Variants in RAD51B observed in about 807,000 individuals in gnomAD.
RAD51B encodes DNA repair protein RAD51 homolog 2.
A neutral mutation model predicts 42.2 loss-of-function variants in RAD51B; 38 were observed. The observed-to-expected ratio is 0.90, with a 90% CI of 0.70 to 1.18. The LOEUF (loss-of-function observed/expected upper bound fraction) is 1.18, where lower values mean the gene tolerates loss of function less well. Ranked by LOEUF, RAD51B falls within the 50% of genes most tolerant of loss-of-function variation. The probability of loss-of-function intolerance (pLI) is 0.00; values close to 1 mark genes in which losing one functional copy is unlikely to be tolerated. For synonymous variants in RAD51B, 154 were observed against 145.2 expected, an observed-to-expected ratio of 1.06 and a Z score of -0.43; for missense variants, 373 against 400.7, an observed-to-expected ratio of 0.93 and a Z score of 0.59.
At chr14:67,880,651 A>G (rs1024185198) in intron 5 of RAD51B, among the ~76,000 whole-genome samples, 3 of 152,072 alleles carry the variant, frequency 2.0e-5, no homozygotes, top group Non-Finnish European at 4.4e-5. Flanking sequence ...TCATATATAT[A>G]ATTTTTTAAA....
At chr14:67,989,994 C>CTTTTTTT (rs539586350) in intron 7 of RAD51B, among the ~76,000 whole-genome samples, 3 of 118,386 alleles carry the variant, frequency 2.5e-5, no homozygotes, top group South Asian at 2.8e-4. Context: ...CTTTTAACAT[C>CTTTTTTT]TTTTTTTTTT....
At chr14:68,655,051 C>T (rs2140141433) in intron 11 of RAD51B, among the ~76,000 whole-genome samples, 1 of 152,224 alleles carries the variant, frequency 6.6e-6, no homozygotes, top group South Asian at 2.1e-4. Flanking sequence ...TGGTCTCAGG[C>T]CTGCTATGTA....
intron 10 of RAD51B, among the ~76,000 whole-genome samples, chr14:68,506,277 G>T (rs1566918173): frequency 6.6e-6 from 1 of 152,218 alleles, no homozygotes; most frequent in African/African-American, 2.4e-5. Context: ...GTGCACATTA[G>T]CGAGTGAAGC....
intron 7 of RAD51B, among the ~76,000 whole-genome samples, chr14:68,214,838 G>A (rs1168077595): frequency 2.0e-5 from 3 of 152,192 alleles, no homozygotes; most frequent in African/African-American, 4.8e-5. Flanking sequence ...GCATTGTGCT[G>A]TAGTAAAAAA....
At chr14:68,664,729 A>G (rs1892998568) in intron 11 of RAD51B, among the ~76,000 whole-genome samples, 3 of 151,962 alleles carry the variant, frequency 2.0e-5, no homozygotes, top group South Asian at 4.2e-4. Context: ...TCCAACCCCA[A>G]TCCTTACTCC....
chr14:67,927,787 T>C (rs559941461), intron 7 of RAD51B, among the ~76,000 whole-genome samples: 1 of 142,128 alleles, frequency 7.0e-6, no homozygotes, highest in East Asian at 1.9e-4. Flanking sequence ...ACATATATAA[T>C]GTGTGTGTCT....
chr14:68,159,390 G>A (rs943428571), intron 7 of RAD51B, among the ~76,000 whole-genome samples: 3 of 152,118 alleles, frequency 2.0e-5, no homozygotes, highest in South Asian at 2.1e-4. Context: ...GGGAGGCTGC[G>A]GTGGGCGGAT....
intron 7 of RAD51B, among the ~76,000 whole-genome samples, chr14:68,090,879 G>A (rs2077083952): frequency 1.7e-5 from 2 of 117,532 alleles, no homozygotes; most frequent in African/African-American, 6.7e-5. Context: ...AGTCCCCAGA[G>A]TGTGATGTTC....
At chr14:68,670,202 C>T (rs1273764456) in intron 11 of RAD51B, among the ~76,000 whole-genome samples, 6 of 152,142 alleles carry the variant, frequency 3.9e-5, no homozygotes, top group African/African-American at 1.2e-4. Context: ...GGATTGGAAC[C>T]GTCCGTGGGC....
intron 9 of RAD51B, among the ~76,000 whole-genome samples, chr14:68,430,256 G>A (rs1388377043): frequency 6.6e-6 from 1 of 152,044 alleles, no homozygotes; most frequent in South Asian, 2.1e-4. Flanking sequence ...CATATGAACT[G>A]TAAAGTAGTT....
chr14:68,525,814 A>G (rs1886889690), intron 10 of RAD51B, among the ~76,000 whole-genome samples: 1 of 152,212 alleles, frequency 6.6e-6, no homozygotes, highest in Admixed American at 6.5e-5. Flanking sequence ...GCTCCGGCAT[A>G]TGGAATTAGC....
Position 68,157,410 on chromosome 14 carries a change from G to A in RAD51B, c.757-134474G>A, listed in dbSNP as rs148563735. ...TTAAGCATGTTATATGAAAGGGATG[G>A]CATTGTGAAAGATGGGGATACTATA... On this transcript the variant is annotated intron_variant, in intron 7 of 10. Transcript: ENST00000471583. 1.5e-3 allele frequency among the ~76,000 whole-genome samples: 221 copies of A among 152,284 alleles called. 4 individuals are homozygous for A. The East Asian group carries it at 0.035, about 24-fold the overall frequency.
Position 67,989,994 on chromosome 14 carries a change from CTTTTTTTTTTT to C in RAD51B, c.756+102802_756+102812del, listed in dbSNP as rs539586350. Among the ~76,000 whole-genome samples, 599 of 118,370 alleles carry C rather than the reference CTTTTTTTTTTT, an allele frequency of 5.1e-3. 4 individuals are homozygous for C. The highest frequency in any genetic ancestry group is 0.019 in the African/African-American group (570 of 29,406). The allele number at this position is 118,370 out of a possible 152,430, so 77.7% of individuals were successfully genotyped here. The stretch of plus-strand genomic sequence containing the variant: ...TATACAGTGATTTTACTTTTAACAT[CTTTTTTTTTTT>C]TTTTTTTTTTTGAGGCAGAGTCTCG... On this transcript the variant is annotated intron_variant, in intron 7 of 10. Transcript: ENST00000471583.
At chr14:68,413,381 G>A (rs1455016248) in intron 9 of RAD51B, among the ~76,000 whole-genome samples, 1 of 152,026 alleles carries the variant, frequency 6.6e-6, no homozygotes, top group African/African-American at 2.4e-5. Context: ...CCATTAGATG[G>A]GTCAGTCATG....
At chr14:68,377,582 T>C (rs761334753) in intron 8 of RAD51B, among the ~76,000 whole-genome samples, 34 of 152,198 alleles carry the variant, frequency 2.2e-4, no homozygotes, top group Non-Finnish European at 3.8e-4. Context: ...CACACCCACA[T>C]CACTTCCCCT....
At chr14:68,153,691 A>G (rs775134637) in intron 7 of RAD51B, among the ~76,000 whole-genome samples, 44 of 152,018 alleles carry the variant, frequency 2.9e-4, no homozygotes, top group African/African-American at 7.2e-4. Context: ...TTTCTTGTAA[A>G]TTCATTTACA....
intron 5 of RAD51B, among the ~76,000 whole-genome samples, chr14:67,867,010 G>A (rs1051523576): frequency 6.6e-6 from 1 of 152,286 alleles, no homozygotes; most frequent in East Asian, 1.9e-4. Flanking sequence ...TTCTCCACAA[G>A]GCTTAAAATG....
intron 5 of RAD51B, among the ~76,000 whole-genome samples, chr14:67,874,093 ATAAAT>A (rs1003740645): frequency 3.3e-5 from 5 of 151,588 alleles, no homozygotes; most frequent in Middle Eastern, 3.4e-3. Flanking sequence ...TATAATAATA[ATAAAT>A]TAATTAATTA....
intron 8 of RAD51B, among the ~76,000 whole-genome samples, chr14:68,307,410 CCTTA>C (rs1411006229): frequency 6.6e-6 from 1 of 152,208 alleles, no homozygotes; most frequent in Non-Finnish European, 1.5e-5. Context: ...CGATTCACAG[CCTTA>C]CTTAGGTAAT....
Sources: gnomAD v4.1 joint callset for allele counts (sites outside exome capture counted in the v4.1 genomes callset) on GRCh38, gnomAD v4.1.1 for gene constraint, MANE v1.5 for transcripts, NCBI Gene and HGNC (gene_info 2026-07-23, HGNC 2026-07-21) for gene names.